Variants in VDAC1 observed in about 807,000 individuals in gnomAD.
VDAC1 encodes non-selective voltage-gated ion channel VDAC1.
A neutral mutation model predicts 34.7 loss-of-function variants in VDAC1; 10 were observed. That is an observed-to-expected ratio of 0.29 (90% CI 0.18 to 0.49). The LOEUF is 0.49. VDAC1 is among the 20% of genes least tolerant of loss of function. VDAC1 has a pLI of 0.99. For missense variants in VDAC1, 230 were observed against 347.9 expected (o/e 0.66, Z 2.69); for synonymous variants, 130 against 136.0 (o/e 0.96, Z 0.30).
chr5:134,050,811 C>T, the VDAC1 span, among the ~76,000 whole-genome samples: 178 of 152,194 alleles, frequency 1.2e-3, 2 homozygotes, highest in Middle Eastern at 0.017. Flanking sequence ...TGGCTTTGGG[C>T]GAGTGTGGTG....
At chr5:134,073,098 C>G in the VDAC1 span, among the ~76,000 whole-genome samples, 1 of 152,152 alleles carries the variant, frequency 6.6e-6, no homozygotes, top group Non-Finnish European at 1.5e-5. Context: ...GAACATCTGA[C>G]CCGGCAGCCC....
intron 1 of VDAC1, among the ~76,000 whole-genome samples, chr5:134,002,646 C>T (rs1753602612): frequency 6.6e-6 from 1 of 152,178 alleles, no homozygotes; most frequent in Non-Finnish European, 1.5e-5. Flanking sequence ...CTGTTTTCCA[C>T]AAGTGAGATG....
the VDAC1 span, among the ~76,000 whole-genome samples, chr5:134,032,747 T>C: frequency 2.6e-5 from 4 of 152,194 alleles, no homozygotes; most frequent in South Asian, 8.3e-4. Flanking sequence ...TATAAAGAAA[T>C]AAAGCCAGGA....
In VDAC1 at chr5:133,991,169, G is replaced by A. The variant is rs553557627; in HGVS notation, c.118-15C>T. 5.9e-5 allele frequency: 95 copies of A among 1,607,114 alleles called. No individual in the cohort carries two copies. The South Asian group carries it at 8.7e-4, about 15-fold the overall frequency. ...CTTGTAAATTCCTTCAAAGGAGAGA[G>A]AAGAGTCACAGCCTGCACCATAGCA... is the stretch of plus-strand genomic sequence containing the variant. On this transcript the variant is annotated splice_polypyrimidine_tract_variant and intron_variant, in intron 3 of 8. Transcript: ENST00000265333.
the VDAC1 span, among the ~76,000 whole-genome samples, chr5:134,057,107 GGTGGATCACCTGAC>G: frequency 1.3e-5 from 2 of 152,138 alleles, no homozygotes; most frequent in Non-Finnish European, 2.9e-5. Context: ...GGCCGACGCA[GGTGGATCACCTGAC>G]ATCAGGAGTT....
the VDAC1 span, among the ~76,000 whole-genome samples, chr5:134,038,681 A>G: frequency 6.6e-6 from 1 of 152,246 alleles, no homozygotes; most frequent in Admixed American, 6.5e-5. Flanking sequence ...GCCTGGCTCA[A>G]ATACATTCCT....
chr5:134,104,500 C>G, the VDAC1 span, among the ~76,000 whole-genome samples: 1,263 of 152,326 alleles, frequency 8.3e-3, 14 homozygotes, highest in Middle Eastern at 0.02. Flanking sequence ...GCCCTCTGCC[C>G]GAGATGCTGC....
At chr5:133,974,890 T>C (rs1196826563) in intron 7 of VDAC1, among the ~76,000 whole-genome samples, 1 of 146,600 alleles carries the variant, frequency 6.8e-6, no homozygotes, top group Non-Finnish European at 1.5e-5. Flanking sequence ...GGGACGGAGG[T>C]TGCGCAGTGA....
At chr5:134,000,870 C>T (rs1753523123) in intron 1 of VDAC1, among the ~76,000 whole-genome samples, 3 of 152,104 alleles carry the variant, frequency 2.0e-5, no homozygotes, top group Non-Finnish European at 4.4e-5. Flanking sequence ...TTCAAAAGGT[C>T]ACCCTGAACC....
the VDAC1 span, among the ~76,000 whole-genome samples, chr5:134,078,355 G>A: frequency 6.6e-6 from 1 of 152,196 alleles, no homozygotes; most frequent in Non-Finnish European, 1.5e-5. Flanking sequence ...TGAAAGTTGA[G>A]AGTTGGTGCA....
At chr5:134,090,828 A>G in the VDAC1 span, among the ~76,000 whole-genome samples, 10 of 152,190 alleles carry the variant, frequency 6.6e-5, no homozygotes, top group African/African-American at 2.2e-4. Context: ...CACACTTACA[A>G]TAACAGTTTA....
chr5:134,114,331 C>A, the VDAC1 span, among the ~76,000 whole-genome samples: 237 of 152,266 alleles, frequency 1.6e-3, 2 homozygotes, highest in Non-Finnish European at 2.4e-4. Context: ...GGGCACGATA[C>A]AGTTCACACC....
the VDAC1 span, among the ~76,000 whole-genome samples, chr5:134,053,279 G>A: frequency 2.8e-4 from 43 of 152,232 alleles, 1 homozygote; most frequent in East Asian, 5.4e-3. Context: ...CATGCCACTC[G>A]CCTGGTCACC....
At chr5:134,020,033 T>A in the VDAC1 span, among the ~76,000 whole-genome samples, 1 of 152,008 alleles carries the variant, frequency 6.6e-6, no homozygotes, top group Non-Finnish European at 1.5e-5. Flanking sequence ...CATCCTTTCA[T>A]ACCTGCCCCC....
chr5:133,974,823 G>A (rs1331736615), intron 7 of VDAC1, among the ~76,000 whole-genome samples: 1 of 152,178 alleles, frequency 6.6e-6, no homozygotes, highest in Non-Finnish European at 1.5e-5. Context: ...TGTGGTGGTG[G>A]GTGCCTGTGT....
the VDAC1 span, among the ~76,000 whole-genome samples, chr5:134,036,005 CAAAAA>C: frequency 1.1e-5 from 1 of 92,786 alleles, no homozygotes; most frequent in Non-Finnish European, 2.2e-5. Context: ...GACTCCATCT[CAAAAA>C]AAAAAAAAAA....
upstream of VDAC1, among the ~76,000 whole-genome samples, chr5:134,009,910 A>C (rs1300507460): frequency 6.6e-6 from 1 of 151,836 alleles, no homozygotes; most frequent in Non-Finnish European, 1.5e-5. Context: ...CAAACTCCTA[A>C]CCTGAAGTAA....
At chr5:134,086,769 G>A in the VDAC1 span, among the ~76,000 whole-genome samples, 1 of 152,012 alleles carries the variant, frequency 6.6e-6, no homozygotes, top group Non-Finnish European at 1.5e-5. Context: ...CAGCACAGAG[G>A]AGAATTTCAC....
the VDAC1 span, among the ~76,000 whole-genome samples, chr5:134,073,141 C>A: frequency 6.6e-6 from 1 of 152,184 alleles, no homozygotes; most frequent in African/African-American, 2.4e-5. Flanking sequence ...ATCACCAGTG[C>A]CCTGAAGCCC....
Sources: allele counts gnomAD v4.1 joint callset (sites outside exome capture counted in the v4.1 genomes callset), GRCh38; gene constraint gnomAD v4.1.1; transcripts MANE v1.5; gene names NCBI Gene and HGNC (gene_info 2026-07-23, HGNC 2026-07-21).